ROBO1: variants seen among roughly 807,000 people sequenced by gnomAD.
The protein encoded by ROBO1 is roundabout homolog 1.
Under a neutral mutation model 195.9 loss-of-function variants are expected in ROBO1, and 149 were observed. The observed-to-expected ratio is 0.76, with a 90% CI of 0.67 to 0.87. The LOEUF (loss-of-function observed/expected upper bound fraction) is 0.87. Among genes scored for constraint, ROBO1 ranks in the 40% least tolerant of loss-of-function variants. ROBO1 has a pLI of 0.00. For missense variants in ROBO1, 1,933 were observed against 2,068.3 expected (o/e 0.93, Z 1.27); for synonymous variants, 816 against 733.2 (o/e 1.11, Z -1.82).
chr3:78,998,761 C>T (rs1274608251), intron 3 of ROBO1, among the ~76,000 whole-genome samples: 2 of 152,056 alleles, frequency 1.3e-5, no homozygotes, highest in South Asian at 4.1e-4. Flanking sequence ...TACTCATCAT[C>T]TCTCCCCTTT....
intron 3 of ROBO1, among the ~76,000 whole-genome samples, chr3:78,967,502 C>T (rs1034588431): frequency 3.3e-5 from 5 of 152,062 alleles, no homozygotes; most frequent in African/African-American, 1.2e-4. Context: ...TCACTTTCTC[C>T]AAGAGAGAAA....
intron 8 of ROBO1, among the ~76,000 whole-genome samples, chr3:78,701,530 C>A (rs2081421412): frequency 6.6e-6 from 1 of 152,048 alleles, no homozygotes; most frequent in African/African-American, 2.4e-5. Flanking sequence ...AATGTTTATT[C>A]TCAAGAAACC....
chr3:79,379,344 G>T (rs961192644), intron 2 of ROBO1, among the ~76,000 whole-genome samples: 1 of 152,090 alleles, frequency 6.6e-6, no homozygotes, highest in Non-Finnish European at 1.5e-5. Context: ...GCTTTCTTTA[G>T]CCAGTAGGAT....
At chr3:78,821,561 G>C (rs541492033) in intron 4 of ROBO1, among the ~76,000 whole-genome samples, 1 of 151,902 alleles carries the variant, frequency 6.6e-6, no homozygotes, top group African/African-American at 2.4e-5. Flanking sequence ...CCTCTAAATT[G>C]CTCGCTTTTC....
In ROBO1 at chr3:79,667,733, A is replaced by T. The variant is rs905861796; in HGVS notation, c.-50-77772T>A. Among the ~76,000 whole-genome samples, 24 of 151,696 alleles carry T rather than the reference A, an allele frequency of 1.6e-4. 1 individual carries two copies. Among genetic ancestry groups the T allele is most frequent in the Admixed American group, 1.6e-3 (24 of 15,206 alleles). The stretch of plus-strand genomic sequence containing the variant: ...ATGTCTTGATCAAGCAATCACTGTC[A>T]TCATATCATTGTGAGTATTCTTAGA... On this transcript the variant is annotated intron_variant, in intron 1 of 30. Transcript: ENST00000464233.
In ROBO1 at chr3:79,596,188, T is replaced by C. The variant is rs188639563; in HGVS notation, c.-50-6227A>G. ...AATTAAGAATGCAAAGTTTAGGTTT[T>C]AGGAGAGTCATAAATACATGAATAA... On this transcript the variant is annotated intron_variant, in intron 1 of 30. Transcript: ENST00000464233. Among the ~76,000 whole-genome samples, 628 of 152,182 alleles carry C rather than the reference T, an allele frequency of 4.1e-3. 1 individual carries two copies. The highest frequency in any genetic ancestry group is 6.8e-3 in the Non-Finnish European group (463 of 67,968).
At chr3:79,630,318 G>T (rs571463396) in intron 1 of ROBO1, among the ~76,000 whole-genome samples, 1 of 151,988 alleles carries the variant, frequency 6.6e-6, no homozygotes, top group Non-Finnish European at 1.5e-5. Flanking sequence ...TTATTCCAGG[G>T]ATGTGAGAAT....
At chr3:79,081,242 C>T (rs2079268797) in intron 3 of ROBO1, among the ~76,000 whole-genome samples, 2 of 151,476 alleles carry the variant, frequency 1.3e-5, no homozygotes, top group Non-Finnish European at 1.5e-5. Flanking sequence ...TTGATGCAAA[C>T]TTCTCCAGTC....
intron 1 of ROBO1, among the ~76,000 whole-genome samples, chr3:79,722,650 A>G (rs1202439588): frequency 6.6e-6 from 1 of 152,228 alleles, no homozygotes; most frequent in Non-Finnish European, 1.5e-5. Flanking sequence ...TAACAAATTC[A>G]AATTGAAGTC....
intron 4 of ROBO1, among the ~76,000 whole-genome samples, chr3:78,887,343 A>G (rs892023931): frequency 3.9e-5 from 6 of 152,202 alleles, no homozygotes; most frequent in Non-Finnish European, 8.8e-5. Flanking sequence ...ACTAGCCTTG[A>G]GTCTACAATA....
At chr3:79,170,708 T>A (rs2081150409) in intron 2 of ROBO1, among the ~76,000 whole-genome samples, 1 of 152,036 alleles carries the variant, frequency 6.6e-6, no homozygotes, top group African/African-American at 2.4e-5. Flanking sequence ...TTAGACAAGT[T>A]ATTTTTTTTT....
intron 2 of ROBO1, among the ~76,000 whole-genome samples, chr3:79,335,220 T>A (rs183702602): frequency 3.5e-4 from 54 of 152,360 alleles, no homozygotes; most frequent in Non-Finnish European, 2.2e-4. Flanking sequence ...CTACATATAC[T>A]ACATATATTA....
intron 2 of ROBO1, chr3:79,512,797 A>T (rs1178187941): frequency 6.6e-6 from 1 of 152,190 alleles, no homozygotes; most frequent in Non-Finnish European, 1.5e-5. Flanking sequence ...AATATCATGG[A>T]AACAAAATAC....
chr3:79,420,966 A>T (rs1252857930), intron 2 of ROBO1, among the ~76,000 whole-genome samples: 2 of 152,162 alleles, frequency 1.3e-5, no homozygotes, highest in Non-Finnish European at 2.9e-5. Context: ...AAAGAAATGA[A>T]ATCAACCTAA....
At chr3:79,550,399 G>A (rs1007291199) in intron 2 of ROBO1, among the ~76,000 whole-genome samples, 1 of 152,038 alleles carries the variant, frequency 6.6e-6, no homozygotes, top group African/African-American at 2.4e-5. Flanking sequence ...CAAAGCACAT[G>A]GTAAGCCAGG....
intron 3 of ROBO1, among the ~76,000 whole-genome samples, chr3:79,094,772 T>C (rs887572048): frequency 1.3e-5 from 2 of 152,026 alleles, no homozygotes; most frequent in African/African-American, 4.8e-5. Flanking sequence ...ATTCTAGACT[T>C]GGGAAATATG....
At chr3:79,125,322 G>T in intron 3 of ROBO1, 134 bp downstream of exon 3, 1 of 719,820 alleles carries the variant, frequency 1.4e-6, no homozygotes, top group Non-Finnish European at 2.5e-6. Flanking sequence ...ACAGAATGAA[G>T]TTTGAAAAAT....
intron 2 of ROBO1, among the ~76,000 whole-genome samples, chr3:79,195,828 A>C (rs1373115453): frequency 1.3e-5 from 2 of 151,434 alleles, no homozygotes; most frequent in African/African-American, 4.8e-5. Context: ...TTTTTAAATA[A>C]ATTCAGATTA....
chr3:79,593,968 A>C (rs927798279), intron 1 of ROBO1, among the ~76,000 whole-genome samples: 22 of 151,808 alleles, frequency 1.4e-4, no homozygotes, highest in Admixed American at 1.4e-3. Context: ...ATTTTATCAG[A>C]TATGTCTTTC....
Sources: allele counts gnomAD v4.1 joint callset (sites outside exome capture counted in the v4.1 genomes callset), GRCh38; gene constraint gnomAD v4.1.1; transcripts MANE v1.5; gene names NCBI Gene and HGNC (gene_info 2026-07-23, HGNC 2026-07-21).